TUSC3: variants seen among roughly 807,000 people sequenced by gnomAD.
The protein encoded by TUSC3 is tumor suppressor candidate 3.
Under a neutral mutation model 44.8 loss-of-function variants are expected in TUSC3, and 45 were observed. That is an observed-to-expected ratio of 1.00 (90% confidence interval 0.79 to 1.29). TUSC3 has a LOEUF of 1.29. Among genes scored for constraint, TUSC3 ranks in the 50% most tolerant of loss-of-function variants. The pLI, the probability that TUSC3 is intolerant of heterozygous loss-of-function variation, is 0.00. For synonymous variants in TUSC3, 212 were observed against 152.9 expected (o/e 1.39, Z -2.85); for missense variants, 519 against 437.9 (o/e 1.19, Z -1.65).
At chr8:15,586,074 A>G (rs1434787342) in intron 1 of TUSC3, among the ~76,000 whole-genome samples, 2 of 150,978 alleles carry the variant, frequency 1.3e-5, no homozygotes, top group African/African-American at 4.9e-5. Flanking sequence ...AGAAACCAGG[A>G]AAAATATTTT....
At chr8:15,449,590 A>C (rs1051617989) in intron 1 of TUSC3, among the ~76,000 whole-genome samples, 2 of 152,100 alleles carry the variant, frequency 1.3e-5, no homozygotes, top group Admixed American at 1.3e-4. Context: ...TTAGGGGAAA[A>C]AGCCTAATGG....
intron 1 of TUSC3, among the ~76,000 whole-genome samples, chr8:15,564,489 G>T (rs866476225): frequency 6.6e-6 from 1 of 152,172 alleles, no homozygotes; most frequent in East Asian, 1.9e-4. Context: ...CCTTTTGTTT[G>T]TGAATATGTG....
chr8:15,580,280 G>C (rs1273080215), intron 1 of TUSC3, among the ~76,000 whole-genome samples: 112 of 7,260 alleles, frequency 0.015, no homozygotes, highest in Admixed American at 0.025. Flanking sequence ...CAATTTGCCA[G>C]TCTGTGTCTT....
At chr8:15,689,107 C>A in intron 6 of TUSC3, 1 of 379,038 alleles carries the variant, frequency 2.6e-6, no homozygotes, top group South Asian at 2.3e-5. Flanking sequence ...TGTAGCTGCT[C>A]GTCTTGTCTT....
intron 2 of TUSC3, among the ~76,000 whole-genome samples, chr8:15,502,800 C>T (rs933684926): frequency 6.6e-6 from 1 of 152,154 alleles, no homozygotes; most frequent in Non-Finnish European, 1.5e-5. Flanking sequence ...CCCTTAGATC[C>T]CATATTTTTA....
At chr8:15,637,783 T>C (rs1162810911) in intron 2 of TUSC3, among the ~76,000 whole-genome samples, 1 of 152,138 alleles carries the variant, frequency 6.6e-6, no homozygotes, top group African/African-American at 2.4e-5. Context: ...TAACGTGAAA[T>C]AGGTCGAGTT....
At chr8:15,602,432 C>T (rs1804328703) in intron 1 of TUSC3, among the ~76,000 whole-genome samples, 1 of 151,140 alleles carries the variant, frequency 6.6e-6, no homozygotes, top group Non-Finnish European at 1.5e-5. Context: ...ATGGGTTGTA[C>T]TTTTTACATC....
At chr8:15,550,106 C>A (rs1344735545) in intron 1 of TUSC3, among the ~76,000 whole-genome samples, 1 of 151,570 alleles carries the variant, frequency 6.6e-6, no homozygotes, top group Non-Finnish European at 1.5e-5. Flanking sequence ...CAGGGATTTT[C>A]ACAATGCTTT....
At chr8:15,755,132 AT>A (rs778055712) in intron 9 of TUSC3, among the ~76,000 whole-genome samples, 5 of 152,076 alleles carry the variant, frequency 3.3e-5, no homozygotes, top group Non-Finnish European at 7.4e-5. Flanking sequence ...TGTCTTTTAA[AT>A]TTAATAGGCA....
At chr8:15,623,046 C>G in intron 1 of TUSC3, 34 bp from the exon 2 acceptor site, 1 of 1,607,610 alleles carries the variant, frequency 6.2e-7, no homozygotes, top group Middle Eastern at 1.7e-4. Context: ...GACTTTGACT[C>G]TTTGTAAATG....
At chr8:15,810,226 G>C in the TUSC3 span, among the ~76,000 whole-genome samples, 8 of 152,126 alleles carry the variant, frequency 5.3e-5, no homozygotes, top group African/African-American at 1.4e-4. Context: ...TGATTTAATA[G>C]GTCGTTCAGG....
upstream of TUSC3, among the ~76,000 whole-genome samples, chr8:15,537,906 G>A (rs1334017697): frequency 2.6e-5 from 4 of 152,144 alleles, no homozygotes; most frequent in Non-Finnish European, 4.4e-5. Context: ...AAAAGTTGAG[G>A]CTATTTTTAT....
chr8:15,661,513 C>A (rs1346053795), intron 4 of TUSC3, among the ~76,000 whole-genome samples: 1 of 151,876 alleles, frequency 6.6e-6, no homozygotes, highest in African/African-American at 2.4e-5. Context: ...TACATAGGTC[C>A]TGTTTTGTTT....
intron 1 of TUSC3, among the ~76,000 whole-genome samples, chr8:15,554,497 T>C (rs1281204036): frequency 6.6e-6 from 1 of 151,666 alleles, no homozygotes; most frequent in South Asian, 2.1e-4. Flanking sequence ...AAATGTACTT[T>C]TATTTATTTA....
intron 4 of TUSC3, 130 bp downstream of exon 4, chr8:15,659,777 C>G (rs925454940): frequency 1.7e-6 from 2 of 1,167,638 alleles, no homozygotes; most frequent in African/African-American, 1.5e-5. Context: ...GAAAACTGTT[C>G]GATTACTGCA....
chr8:15,444,507 AGACATTACCTGGG>A (rs1420972904), intron 1 of TUSC3, among the ~76,000 whole-genome samples: 1 of 152,214 alleles, frequency 6.6e-6, no homozygotes, highest in Non-Finnish European at 1.5e-5. Flanking sequence ...CAGGGTAATG[AGACATTACCTGGG>A]GATGGTGGAA....
chr8:15,838,291 G>A, the TUSC3 span, among the ~76,000 whole-genome samples: 1 of 152,112 alleles, frequency 6.6e-6, no homozygotes, highest in African/African-American at 2.4e-5. Flanking sequence ...GAACTTTCTT[G>A]GATTCATTTT....
intron 6 of TUSC3, among the ~76,000 whole-genome samples, chr8:15,712,468 C>T (rs558189395): frequency 2.0e-5 from 3 of 151,994 alleles, no homozygotes; most frequent in Non-Finnish European, 4.4e-5. Flanking sequence ...AGTTTCTCCC[C>T]TTCTCTTATT....
At chr8:15,673,979 C>A (rs537685549) in intron 6 of TUSC3, 143 bp downstream of exon 6, 4 of 681,818 alleles carry the variant, frequency 5.9e-6, no homozygotes, top group African/African-American at 1.8e-5. Context: ...ACCTGTGTCA[C>A]CTATATACAC....
Sources: allele counts gnomAD v4.1 joint callset (sites outside exome capture counted in the v4.1 genomes callset), GRCh38; gene constraint gnomAD v4.1.1; transcripts MANE v1.5; gene names NCBI Gene and HGNC (gene_info 2026-07-23, HGNC 2026-07-21).